Variants in LARGE1 observed in about 807,000 individuals in gnomAD.
The protein encoded by LARGE1 is LARGE xylosyl- and glucuronyltransferase 1.
In LARGE1, 43 loss-of-function variants were observed where a neutral mutation model predicts 87.6. The ratio of observed to expected loss-of-function variants is 0.49; its 90% CI spans 0.38 to 0.63. The LOEUF is 0.63. Among genes scored for constraint, LARGE1 ranks in the 30% least tolerant of loss-of-function variants. The pLI is 0.00. For synonymous variants in LARGE1, 434 were observed against 394.6 expected (o/e 1.10, Z -1.18); for missense variants, 802 against 1,000.2 (o/e 0.80, Z 2.67).
chr22:33,082,144 T>C, the LARGE1 span, among the ~76,000 whole-genome samples: 1 of 152,210 alleles, frequency 6.6e-6, no homozygotes, highest in South Asian at 2.1e-4. Flanking sequence ...CTGGCTCTAG[T>C]TGAATAGCAG....
Position 33,276,291 on chromosome 22 carries a change from T to C in LARGE1, c.2073+769A>G, listed in dbSNP as rs563444406. 3.3e-5 allele frequency among the ~76,000 whole-genome samples: 5 copies of C among 152,324 alleles called. 1 individual carries two copies. The East Asian group carries it at 9.6e-4, about 29-fold the overall frequency. ...TTAACCAGAGCAGTTTTGCTTTTGT[T>C]TGTTTAACACAGGGGCTGAAAAATT... On this transcript the variant is annotated intron_variant, in intron 14 of 14. Coordinates refer to ENST00000397394, the MANE Select transcript of LARGE1 (RefSeq NM_133642.5).
chr22:33,764,812 T>C (rs926630790), intron 1 of LARGE1, among the ~76,000 whole-genome samples: 1 of 152,198 alleles, frequency 6.6e-6, no homozygotes, highest in Non-Finnish European at 1.5e-5. Context: ...GAAGGCAATG[T>C]GAATGCTACA....
At chr22:33,474,137 T>C (rs1008442638) in intron 6 of LARGE1, among the ~76,000 whole-genome samples, 3 of 152,132 alleles carry the variant, frequency 2.0e-5, no homozygotes, top group Non-Finnish European at 4.4e-5. Flanking sequence ...TGTTGGCCAA[T>C]GTATCTAGTC....
intron 6 of LARGE1, among the ~76,000 whole-genome samples, chr22:33,531,316 C>A (rs1015338284): frequency 3.8e-4 from 55 of 143,722 alleles, no homozygotes; most frequent in Middle Eastern, 3.4e-3. Flanking sequence ...CGCCACCATG[C>A]CCAGCTAATT....
chr22:33,201,753 A>G (rs1208925943), intron 11 of LARGE1, among the ~76,000 whole-genome samples: 1 of 152,232 alleles, frequency 6.6e-6, no homozygotes, highest in Non-Finnish European at 1.5e-5. Flanking sequence ...CTTGTAGGTC[A>G]TCATCAGAAC....
At chr22:33,443,556 T>C (rs1194203519) in intron 6 of LARGE1, among the ~76,000 whole-genome samples, 1 of 152,144 alleles carries the variant, frequency 6.6e-6, no homozygotes, top group African/African-American at 2.4e-5. Flanking sequence ...GAGGACATCC[T>C]ACCCAGGGCA....
downstream of LARGE1, among the ~76,000 whole-genome samples, chr22:33,270,720 T>C (rs1467101954): frequency 6.6e-6 from 1 of 152,096 alleles, no homozygotes; most frequent in Non-Finnish European, 1.5e-5. Context: ...AACACAGAGC[T>C]CCCTAAAGGC....
chr22:33,328,802 T>C (rs1463958567), intron 10 of LARGE1, among the ~76,000 whole-genome samples: 1 of 152,070 alleles, frequency 6.6e-6, no homozygotes, highest in Non-Finnish European at 1.5e-5. Context: ...CTTCCTTGTC[T>C]TGTGGCTTTA....
the LARGE1 span, among the ~76,000 whole-genome samples, chr22:33,116,994 G>A: frequency 6.6e-6 from 1 of 152,096 alleles, no homozygotes; most frequent in Non-Finnish European, 1.5e-5. Flanking sequence ...GAAGGTGGAG[G>A]GCCCCAGGAA....
intron 1 of LARGE1, among the ~76,000 whole-genome samples, chr22:33,808,152 C>T (rs1321472728): frequency 2.0e-5 from 3 of 152,228 alleles, no homozygotes; most frequent in Non-Finnish European, 4.4e-5. Flanking sequence ...GCTCCACATC[C>T]TCATCAGCAT....
intron 1 of LARGE1, among the ~76,000 whole-genome samples, 167 bp from the exon 2 acceptor site, chr22:33,761,725 T>G (rs920673361): frequency 6.6e-6 from 1 of 151,606 alleles, no homozygotes; most frequent in Admixed American, 6.6e-5. Context: ...TCTTCAAAAC[T>G]GAGACAATAA....
intron 2 of LARGE1, among the ~76,000 whole-genome samples, chr22:33,750,329 C>T (rs2084264611): frequency 6.6e-6 from 1 of 152,158 alleles, no homozygotes; most frequent in African/African-American, 2.4e-5. Flanking sequence ...GATCTTTTCA[C>T]TTTTTTTAGG....
chr22:33,085,516 T>C, the LARGE1 span, among the ~76,000 whole-genome samples: 1 of 139,700 alleles, frequency 7.2e-6, no homozygotes, highest in Non-Finnish European at 1.7e-5. Context: ...AACTCTTATG[T>C]CAACTCAGTA....
At chr22:33,423,155 A>C (rs2066755302) in intron 7 of LARGE1, among the ~76,000 whole-genome samples, 1 of 152,084 alleles carries the variant, frequency 6.6e-6, no homozygotes, top group Non-Finnish European at 1.5e-5. Context: ...CCCACTCATG[A>C]AATGCCGAGT....
At chr22:33,624,861 T>A (rs559027107) in intron 4 of LARGE1, among the ~76,000 whole-genome samples, 46 of 152,256 alleles carry the variant, frequency 3.0e-4, no homozygotes, top group African/African-American at 1.0e-3. Flanking sequence ...CTGAATGACA[T>A]CAGTTGCAGT....
intron 1 of LARGE1, among the ~76,000 whole-genome samples, chr22:33,806,738 G>T (rs1183530245): frequency 1.3e-5 from 2 of 152,130 alleles, no homozygotes. Flanking sequence ...TTGGCCGGGC[G>T]TGATGGCTCA....
At chr22:33,733,317 T>C (rs964302752) in intron 2 of LARGE1, 4 of 152,212 alleles carry the variant, frequency 2.6e-5, no homozygotes, top group Non-Finnish European at 5.9e-5. Flanking sequence ...CTATTTTTAA[T>C]ACACCCCACA....
At chr22:33,079,609 A>G in the LARGE1 span, among the ~76,000 whole-genome samples, 1 of 152,150 alleles carries the variant, frequency 6.6e-6, no homozygotes, top group African/African-American at 2.4e-5. Context: ...CTGATAAGAT[A>G]GACTAGACTG....
chr22:33,604,439 A>G lies in LARGE1; in HGVS notation c.611T>C (p.Leu204Pro). 4 of 1,614,030 alleles carry G rather than the reference A, an allele frequency of 2.5e-6. No individual in the cohort carries two copies. Among genetic ancestry groups the G allele is most frequent in the Non-Finnish European group, 3.4e-6 (4 of 1,179,978 alleles). The change falls in exon 5 of 15, where the codon CTC becomes CCC. Residue 204 changes from leucine to proline, a missense_variant. Physicochemically the swap from Leu to Pro is moderately conservative, Grantham distance 98. Around this residue, in one of 2 missense-constraint regions of LARGE1, gnomAD observed 625 missense variants for 841.9 expected, o/e 0.74. Coordinates refer to ENST00000397394, the MANE Select transcript of LARGE1 (RefSeq NM_133642.5). ...TGCCTCCCCTCCTGCCCATACCTTG[A>G]GCTCGTCTGCATTGTAGAAGTCCAC... ...VRVDFYNADE[L>P]KSEVSWIPNK...
Sources: allele counts gnomAD v4.1 joint callset (sites outside exome capture counted in the v4.1 genomes callset), GRCh38; gene constraint gnomAD v4.1.1; regional missense constraint gnomAD v4.1.1; transcripts MANE v1.5; gene names NCBI Gene and HGNC (gene_info 2026-07-23, HGNC 2026-07-21).